Variants in GSE1 observed in about 807,000 individuals in gnomAD.
The protein encoded by GSE1 is Gse1 coiled-coil protein.
In GSE1, 32 loss-of-function variants were observed where a neutral mutation model predicts 112.6. That is an observed-to-expected ratio of 0.28 (90% confidence interval 0.21 to 0.38). GSE1 has a LOEUF of 0.38. GSE1 is among the 10% of genes least tolerant of loss of function. GSE1 has a pLI of 1.00. For missense variants in GSE1, 2,348 were observed against 1,699.2 expected (o/e 1.38, Z -6.71); for synonymous variants, 1,115 against 735.6 (o/e 1.52, Z -8.35).
At chr16:85,420,148 A>AG (rs764155346) in intron 2 of GSE1, among the ~76,000 whole-genome samples, 2 of 152,030 alleles carry the variant, frequency 1.3e-5, no homozygotes, top group Non-Finnish European at 2.9e-5. Flanking sequence ...GTGCTTTGGG[A>AG]GGCTGAAGTA....
At chr16:85,482,109 G>A (rs7199314) in intron 2 of GSE1, among the ~76,000 whole-genome samples, 6,296 of 152,292 alleles carry the variant, frequency 0.041, 407 homozygotes, top group African/African-American at 0.14. Context: ...ATGTTTGTTC[G>A]GGACCCAGGC....
At chr16:85,239,096 T>C (rs561693730) in intron 1 of GSE1, among the ~76,000 whole-genome samples, 6 of 152,024 alleles carry the variant, frequency 3.9e-5, no homozygotes, top group Admixed American at 3.9e-4. Flanking sequence ...CCCCCCTAAT[T>C]TGTTTTTGTA....
chr16:85,649,651 G>A (rs1003116289), intron 3 of GSE1, among the ~76,000 whole-genome samples: 1 of 152,122 alleles, frequency 6.6e-6, no homozygotes, highest in Non-Finnish European at 1.5e-5. Context: ...CACCCCTGGC[G>A]CGCAGCCTGG....
chr16:85,560,053 A>AT (rs1263726086), intron 1 of GSE1, among the ~76,000 whole-genome samples: 1 of 146,846 alleles, frequency 6.8e-6, no homozygotes, highest in East Asian at 2.0e-4. Flanking sequence ...AATAATTCTT[A>AT]TTTTGTCACG....
At chr16:85,605,652 C>T (rs556212929) in intron 1 of GSE1, among the ~76,000 whole-genome samples, 2 of 151,962 alleles carry the variant, frequency 1.3e-5, no homozygotes, top group East Asian at 3.9e-4. Flanking sequence ...CCATCCTCCC[C>T]CTGCACCCCC....
In GSE1 at chr16:85,315,270, G is replaced by T. The variant is rs942927851; in HGVS notation, c.2284-42193G>T. ...ACAGCTCTGCCCCGTCTTCACAGGA[G>T]CATTTAGGGCCTGCTCTCCTGCAGT... On this transcript the variant is annotated intron_variant, in intron 1 of 2. Coordinates refer to the GSE1 transcript ENST00000637419. 3.9e-5 allele frequency among the ~76,000 whole-genome samples: 6 copies of T among 152,192 alleles called. No individual in the cohort carries two copies. In the East Asian group the frequency reaches 9.6e-4, roughly 24 times the overall value.
At chr16:85,230,958 T>A (rs1330107424) in intron 1 of GSE1, among the ~76,000 whole-genome samples, 1 of 149,960 alleles carries the variant, frequency 6.7e-6, no homozygotes, top group African/African-American at 2.5e-5. Flanking sequence ...GATGGATGGA[T>A]AGATGGATGG....
intron 13 of GSE1, 147 bp downstream of exon 13, chr16:85,666,494 G>T: frequency 1.4e-6 from 1 of 734,308 alleles, no homozygotes. Flanking sequence ...TCGTTATTAT[G>T]CCAAAACCAT....
intron 1 of GSE1, among the ~76,000 whole-genome samples, chr16:85,597,668 GC>G (rs1305333536): frequency 6.6e-6 from 1 of 151,926 alleles, no homozygotes; most frequent in Non-Finnish European, 1.5e-5. Flanking sequence ...ATGGGGTTTC[GC>G]CATGTTGCCT....
chr16:85,335,573 T>C (rs1321976084), intron 1 of GSE1, among the ~76,000 whole-genome samples: 1 of 151,818 alleles, frequency 6.6e-6, no homozygotes, highest in Non-Finnish European at 1.5e-5. Flanking sequence ...TGGCCCAGAA[T>C]AGGAGGAGGT....
intron 2 of GSE1, among the ~76,000 whole-genome samples, chr16:85,383,228 A>G (rs1383198679): frequency 1.3e-5 from 2 of 151,508 alleles, no homozygotes; most frequent in Non-Finnish European, 2.9e-5. Context: ...ATAAACACAC[A>G]CATTCACATG....
chr16:85,200,193 C>T (rs931478912), intron 1 of GSE1, among the ~76,000 whole-genome samples: 1 of 152,118 alleles, frequency 6.6e-6, no homozygotes, highest in Admixed American at 6.5e-5. Context: ...ACATAATACA[C>T]AGGTTTGTCC....
At chr16:85,667,551 A>T (rs2052972499) in intron 13 of GSE1, among the ~76,000 whole-genome samples, 2 of 152,248 alleles carry the variant, frequency 1.3e-5, no homozygotes, top group Admixed American at 1.3e-4. Context: ...GGCTGACTAT[A>T]GACCAAGCTC....
At chr16:85,513,277 C>A (rs1417070820) in intron 2 of GSE1, among the ~76,000 whole-genome samples, 1 of 152,150 alleles carries the variant, frequency 6.6e-6, no homozygotes, top group Non-Finnish European at 1.5e-5. Context: ...GAGATGGCAG[C>A]TGGGAGCATG....
intron 1 of GSE1, among the ~76,000 whole-genome samples, chr16:85,234,165 G>A (rs1236922847): frequency 6.6e-6 from 1 of 152,156 alleles, no homozygotes; most frequent in African/African-American, 2.4e-5. Flanking sequence ...GTGCAGGCCA[G>A]GAAGGTATCC....
intron 2 of GSE1, among the ~76,000 whole-genome samples, chr16:85,398,409 G>T (rs1205137706): frequency 6.6e-6 from 1 of 152,142 alleles, no homozygotes; most frequent in Non-Finnish European, 1.5e-5. Flanking sequence ...CCAGCTCCCA[G>T]TCAGCAGGTC....
chr16:85,590,246 G>A (rs963860785), intron 1 of GSE1, among the ~76,000 whole-genome samples: 1 of 152,050 alleles, frequency 6.6e-6, no homozygotes, highest in Non-Finnish European at 1.5e-5. Context: ...GTGAACGTGT[G>A]GGCCCGCGTG....
intron 1 of GSE1, among the ~76,000 whole-genome samples, chr16:85,623,164 A>G (rs1439335315): frequency 2.0e-5 from 3 of 151,862 alleles, no homozygotes; most frequent in African/African-American, 7.3e-5. Context: ...GCGTGATTTC[A>G]GGTCAAATAA....
rs1267293242 is a variant in GSE1, at chr16:85,270,734, TG to T, written c.2284-86727del. 2.4e-5 allele frequency among the ~76,000 whole-genome samples: 3 copies of T among 126,112 alleles called. 1 individual carries two copies. Among genetic ancestry groups the T allele is most frequent in the Non-Finnish European group, 5.9e-5 (3 of 50,668 alleles). The allele number at this position is 126,112 out of a possible 152,430, so 82.7% of individuals were successfully genotyped here. On this transcript the variant is annotated intron_variant, in intron 1 of 2. Transcript: ENST00000637419. Reference sequence around the variant, plus strand: ...CCTCAGAAGCCCAGCTCCCGCCAGCTGGAGAGAATGTCGCCCTGGGTGTTTC... The same window carrying T: ...CCTCAGAAGCCCAGCTCCCGCCAGCTGAGAGAATGTCGCCCTGGGTGTTTC...
Sources: gnomAD v4.1 joint callset for allele counts (sites outside exome capture counted in the v4.1 genomes callset) on GRCh38, gnomAD v4.1.1 for gene constraint, MANE v1.5 for transcripts, NCBI Gene and HGNC (gene_info 2026-07-23, HGNC 2026-07-21) for gene names.